MAP2K6: variants seen among roughly 807,000 people sequenced by gnomAD.
MAP2K6 encodes the protein dual specificity mitogen-activated protein kinase kinase 6.
Under a neutral mutation model 53.7 loss-of-function variants are expected in MAP2K6, and 16 were observed. The ratio of observed to expected loss-of-function variants is 0.30; its 90% CI spans 0.20 to 0.45. The LOEUF is 0.45. Ranked by LOEUF, MAP2K6 falls within the 20% of genes least tolerant of loss-of-function variation. MAP2K6 has a pLI of 1.00. For missense variants in MAP2K6, 204 were observed against 411.9 expected (o/e 0.50, Z 4.37); for synonymous variants, 132 against 143.1 (o/e 0.92, Z 0.55).
chr17:69,552,615 A>G lies in MAP2K6; in HGVS notation c.*10862A>G, dbSNP rs903012395. 6 of 152,086 alleles carry G rather than the reference A, an allele frequency of 3.9e-5. No individual in the cohort carries two copies. Among genetic ancestry groups the G allele is most frequent in the South Asian group, 2.1e-4 (1 of 4,824 alleles). 9.4% of individuals were successfully genotyped at this position (152,086 alleles called of 1,614,324 possible). A position where few individuals can be genotyped will look rare whatever the true frequency, so the allele number is the denominator to read the frequency against. ...TAAATTTAAATTCTGGCCTTTGGGA[A>G]CTCTTTGCTTGTGAGCTGAAGAAGG... is the stretch of plus-strand genomic sequence containing the variant. On this transcript the variant is annotated 3_prime_UTR_variant, in exon 12 of 12. Coordinates refer to ENST00000590474, the MANE Select transcript of MAP2K6 (RefSeq NM_002758.4).
intron 1 of MAP2K6, among the ~76,000 whole-genome samples, chr17:69,467,082 A>T (rs1907838854): frequency 6.7e-6 from 1 of 150,280 alleles, no homozygotes; most frequent in African/African-American, 2.4e-5. Flanking sequence ...TGAACTGGTA[A>T]TCTCAGCGGC....
intron 1 of MAP2K6, among the ~76,000 whole-genome samples, chr17:69,480,242 C>T (rs562506007): frequency 2.0e-5 from 3 of 152,150 alleles, no homozygotes; most frequent in Non-Finnish European, 2.9e-5. Context: ...CTTTAACTTT[C>T]GTTCCCCAGC....
chr17:69,488,087 A>G (rs1908611137), intron 1 of MAP2K6, among the ~76,000 whole-genome samples: 1 of 152,234 alleles, frequency 6.6e-6, no homozygotes, highest in East Asian at 1.9e-4. Flanking sequence ...TCTAAAATCT[A>G]TAAGAAACTT....
At chr17:69,470,250 T>G (rs761682922) in intron 1 of MAP2K6, among the ~76,000 whole-genome samples, 1 of 152,162 alleles carries the variant, frequency 6.6e-6, no homozygotes, top group African/African-American at 2.4e-5. Context: ...TAGACAACTC[T>G]TTAGATAACT....
At chr17:69,415,302 G>A (rs1567810361) in intron 1 of MAP2K6, among the ~76,000 whole-genome samples, 1 of 152,146 alleles carries the variant, frequency 6.6e-6, no homozygotes, top group African/African-American at 2.4e-5. Context: ...AATGTGCAAG[G>A]CTTTATATAA....
intron 1 of MAP2K6, among the ~76,000 whole-genome samples, chr17:69,432,495 C>T (rs1193167683): frequency 6.6e-6 from 1 of 152,190 alleles, no homozygotes; most frequent in East Asian, 1.9e-4. Context: ...GAGATCATGT[C>T]CTTTGCAGGG....
chr17:69,517,368 T>C, intron 3 of MAP2K6, 132 bp from the exon 4 acceptor site: 1 of 500,144 alleles, frequency 2.0e-6, no homozygotes, highest in South Asian at 4.3e-5. Context: ...GAGGCTGCTT[T>C]GACATGCTAG....
At chr17:69,526,103 C>G (rs1910754347) in intron 9 of MAP2K6, among the ~76,000 whole-genome samples, 1 of 152,154 alleles carries the variant, frequency 6.6e-6, no homozygotes, top group Non-Finnish European at 1.5e-5. Context: ...GGCCTTTTCT[C>G]AAGTCCAAAA....
chr17:69,502,650 G>A (rs1347731051), intron 1 of MAP2K6: 2 of 985,332 alleles, frequency 2.0e-6, no homozygotes, highest in African/African-American at 1.7e-5. Flanking sequence ...GGAGACAGGA[G>A]GCTGGCAATT....
At chr17:69,522,346 T>A (rs1042924411) in intron 7 of MAP2K6, among the ~76,000 whole-genome samples, 1 of 152,124 alleles carries the variant, frequency 6.6e-6, no homozygotes, top group African/African-American at 2.4e-5. Flanking sequence ...GAAATTAACA[T>A]TAAGGGTTAT....
At chr17:69,464,209 C>T (rs543699269) in intron 1 of MAP2K6, among the ~76,000 whole-genome samples, 3 of 151,246 alleles carry the variant, frequency 2.0e-5, no homozygotes, top group Admixed American at 6.6e-5. Context: ...CTCAGCCTCC[C>T]GAGTAGCTGG....
chr17:69,536,148 C>T lies in MAP2K6; in HGVS notation c.915C>T (p.Tyr305=), dbSNP rs1370157769. 6.2e-7 allele frequency: 1 copy of T among 1,610,928 alleles called. No homozygotes were observed. Among genetic ancestry groups the T allele is most frequent in the South Asian group, 1.1e-5 (1 of 90,722 alleles). The change falls in exon 11 of 12, where the codon TAC becomes TAT. Residue 305 remains tyrosine, a synonymous_variant. Coordinates refer to ENST00000590474, the MANE Select transcript of MAP2K6 (RefSeq NM_002758.4). ...AGAATTCCAAAGAACGGCCTACATA[C>T]CCAGAGCTAATGGTGAGTATTGTTA... ...LKKNSKERPT[Y]PELMQHPFFT...
intron 11 of MAP2K6, among the ~76,000 whole-genome samples, chr17:69,539,439 T>C (rs1911507079): frequency 6.6e-6 from 1 of 152,152 alleles, no homozygotes; most frequent in Non-Finnish European, 1.5e-5. Flanking sequence ...ATCCATTGCT[T>C]ATAGGAGGGA....
At chr17:69,479,935 C>T (rs947880218) in intron 1 of MAP2K6, among the ~76,000 whole-genome samples, 7 of 152,000 alleles carry the variant, frequency 4.6e-5, no homozygotes, top group South Asian at 4.1e-4. Flanking sequence ...GGGATTTCAC[C>T]ATGTTGGCCA....
chr17:69,434,010 A>G (rs1906559064), intron 1 of MAP2K6: 1 of 152,194 alleles, frequency 6.6e-6, no homozygotes, highest in African/African-American at 2.4e-5. Flanking sequence ...CAGCTAGATT[A>G]GCATCATTTT....
intron 1 of MAP2K6, among the ~76,000 whole-genome samples, chr17:69,458,843 G>A (rs993897165): frequency 2.0e-5 from 3 of 152,096 alleles, no homozygotes; most frequent in Admixed American, 1.3e-4. Flanking sequence ...GTTCTCTGTT[G>A]TAGTCTGCCT....
At chr17:69,476,142 G>A (rs543043442) in intron 1 of MAP2K6, among the ~76,000 whole-genome samples, 1 of 152,192 alleles carries the variant, frequency 6.6e-6, no homozygotes, top group African/African-American at 2.4e-5. Context: ...GCAGATGTAT[G>A]TATGTGTATA....
Position 69,552,903 on chromosome 17 carries a change from T to TC in MAP2K6, c.*11153dup, listed in dbSNP as rs749402760. On this transcript the variant is annotated 3_prime_UTR_variant, in exon 12 of 12. Transcript: ENST00000590474. Reference sequence around the variant, plus strand: ...CATTATTAATGATGTTATCTCCAAATCCCAAAGCCAAGGAAATAGCCAGTA... The same window carrying TC: ...CATTATTAATGATGTTATCTCCAAATCCCCAAAGCCAAGGAAATAGCCAGTA... 6.6e-6 allele frequency: 1 copy of TC among 152,150 alleles called. No individual in the cohort carries two copies. The highest frequency in any genetic ancestry group is 1.5e-5 in the Non-Finnish European group (1 of 68,014). 9.4% of individuals were successfully genotyped at this position (152,150 alleles called of 1,614,324 possible).
Position 69,511,697 on chromosome 17 carries a change from T to C in MAP2K6, c.84-5158T>C, listed in dbSNP as rs1056927556. Among the ~76,000 whole-genome samples, 4 of 152,206 alleles carry C rather than the reference T, an allele frequency of 2.6e-5. No homozygotes were observed. In the East Asian group the frequency reaches 7.7e-4, roughly 29 times the overall value. ...CTCCAAGCTGTTGAGCATAGCTTCA[T>C]GGGTAAGAGTTCAGGGTCTGGAGCC... On this transcript the variant is annotated intron_variant, in intron 2 of 11. Coordinates refer to ENST00000590474, the MANE Select transcript of MAP2K6 (RefSeq NM_002758.4).
Sources: gnomAD v4.1 joint callset for allele counts (sites outside exome capture counted in the v4.1 genomes callset) on GRCh38, gnomAD v4.1.1 for gene constraint, MANE v1.5 for transcripts, NCBI Gene and HGNC (gene_info 2026-07-23, HGNC 2026-07-21) for gene names.